Variants in TTC38 observed in about 807,000 individuals in gnomAD.
TTC38 encodes the protein tetratricopeptide repeat domain 38, also known as tetratricopeptide repeat protein 38.
Under a neutral mutation model 64.2 loss-of-function variants are expected in TTC38, and 64 were observed. The ratio of observed to expected loss-of-function variants is 1.00; its 90% CI spans 0.81 to 1.23. The LOEUF (loss-of-function observed/expected upper bound fraction) is 1.23. Ranked by LOEUF, TTC38 falls within the 50% of genes most tolerant of loss-of-function variation. The probability of loss-of-function intolerance (pLI) is 0.00; values close to 1 mark genes in which losing one functional copy is unlikely to be tolerated. For missense variants in TTC38, 573 were observed against 615.5 expected (o/e 0.93, Z 0.73); for synonymous variants, 254 against 249.3 (o/e 1.02, Z -0.18).
Position 46,289,561 on chromosome 22 carries a change from G to C in TTC38, c.1242G>C (p.Gln414His). Residue 414 changes from glutamine to histidine, a missense_variant and splice_region_variant, in exon 12 of 14, where the codon CAG becomes CAC. Around this residue, in one of 3 missense-constraint regions of TTC38, gnomAD observed 371 missense variants for 381.8 expected, o/e 0.97. Coordinates refer to ENST00000381031, the MANE Select transcript of TTC38 (RefSeq NM_017931.4). ...TCCAGCTCGGTGGGAGCAATGCCCAGGTGAGCCGATGGCCGCCAGCTGGGG... is the reference window on the plus strand; with the variant it reads ...TCCAGCTCGGTGGGAGCAATGCCCACGTGAGCCGATGGCCGCCAGCTGGGG... ...RIVQLGGSNA[Q>H]RDVFNQLLIH... The C allele has an allele frequency of 6.3e-7, 1 of 1,576,860 alleles. No homozygotes were observed. The highest frequency in any genetic ancestry group is 8.6e-7 in the Non-Finnish European group (1 of 1,162,226).
At position 46,282,316 on chromosome 22, in the gene TTC38, C is replaced by G. The variant is rs984103838; in HGVS notation, c.735+598C>G. Among the ~76,000 whole-genome samples the G allele has an allele frequency of 2.0e-5, 3 of 152,198 alleles. No individual in the cohort carries two copies. Among genetic ancestry groups the G allele is most frequent in the African/African-American group, 7.2e-5 (3 of 41,442 alleles). The stretch of plus-strand genomic sequence containing the variant: ...ACATGGGCTGTGCAGGAGGCCTTGT[C>G]AGTCCCTCTTTCCAGGGGAGGCAAG... On this transcript the variant is annotated intron_variant, in intron 7 of 13. Transcript: ENST00000381031. The surrounding 1 kb of genome is among the most constrained non-coding windows in gnomAD (Gnocchi z 4.4).
Position 46,273,827 on chromosome 22 carries a change from T to C in TTC38, c.194-71T>C. On this transcript the variant is annotated intron_variant, in intron 3 of 13. Coordinates refer to ENST00000381031, the MANE Select transcript of TTC38 (RefSeq NM_017931.4). This position sits in a 1 kb window ranked among gnomAD's most constrained non-coding sequence, Gnocchi z 5.1. ...TGGGACGTGGGGTGTCTCTGTGACA[T>C]GTGGAGTCTGGGCTGGGATGGGCTG... 1 of 1,519,802 alleles carries C rather than the reference T, an allele frequency of 6.6e-7. No individual in the cohort carries two copies. Among genetic ancestry groups the C allele is most frequent in the Non-Finnish European group, 9.1e-7 (1 of 1,104,538 alleles). 94.1% of individuals were successfully genotyped at this position (1,519,802 alleles called of 1,614,324 possible). A position where few individuals can be genotyped will look rare whatever the true frequency, so the allele number is the denominator to read the frequency against.
Position 46,282,367 on chromosome 22 carries a change from G to A in TTC38, c.735+649G>A, listed in dbSNP as rs1039197192. 2.6e-5 allele frequency among the ~76,000 whole-genome samples: 4 copies of A among 152,034 alleles called. No individual in the cohort carries two copies. In the East Asian group the frequency reaches 5.8e-4, roughly 22 times the overall value. ...GTGGTGTCCAGGCAGAGGCAGAAAC[G>A]CCTGCAGAGGCCTCAGGGAAGGAAA... On this transcript the variant is annotated intron_variant, in intron 7 of 13. Transcript: ENST00000381031. The surrounding 1 kb of genome is among the most constrained non-coding windows in gnomAD (Gnocchi z 4.4).
In TTC38 at chr22:46,281,686, G is replaced by A. The variant is rs573720875; in HGVS notation, c.703G>A (p.Glu235Lys). ...EMKAEIKDGL[E>K]FMQHSETFWK... is the part of the protein sequence containing the mutation. ...GAAAGCAGAGATCAAGGATGGGTTGGAATTCATGCAGCACTCAGAGACCTT... is the reference window on the plus strand; with the variant it reads ...GAAAGCAGAGATCAAGGATGGGTTGAAATTCATGCAGCACTCAGAGACCTT... Residue 235 changes from glutamate (E) to lysine (K), a missense_variant, in exon 7 of 14, where the codon GAA becomes AAA. This residue lies in a region of TTC38 where 371 missense variants were observed against 381.8 expected (regional missense o/e 0.97). Transcript: ENST00000381031. This position sits in a 1 kb window ranked among gnomAD's most constrained non-coding sequence, Gnocchi z 5.2. 1.5e-4 allele frequency: 246 copies of A among 1,614,108 alleles called. 3 individuals carry two copies. In the South Asian group the frequency reaches 2.4e-3, roughly 15 times the overall value.
rs1170650244 is a variant in TTC38, at chr22:46,278,677, C to A, written c.615+16C>A. On this transcript the variant is annotated intron_variant, in intron 6 of 13. Transcript: ENST00000381031. ...CGCCAAAGAGGTAAGTGGGTCCTTCCTAAGGTGCCTGACCCCTCAGGGAGT... is the reference window on the plus strand; with the variant it reads ...CGCCAAAGAGGTAAGTGGGTCCTTCATAAGGTGCCTGACCCCTCAGGGAGT... The A allele has an allele frequency of 6.2e-7, 1 of 1,610,138 alleles. No homozygotes were observed. The highest frequency in any genetic ancestry group is 8.5e-7 in the Non-Finnish European group (1 of 1,176,492).
rs1443478707 is a variant in TTC38 at position 46,291,277 on chromosome 22, C to T, written c.1316+1378C>T. On this transcript the variant is annotated intron_variant, in intron 13 of 13. Transcript: ENST00000381031. The surrounding 1 kb of genome is among the most constrained non-coding windows in gnomAD (Gnocchi z 4.6). The stretch of plus-strand genomic sequence containing the variant: ...TGGGAGTTGGTGCCTCTGGCAGCAG[C>T]GGTGGGGAAAGTGGCTGTGTGGACA... 6.6e-6 allele frequency among the ~76,000 whole-genome samples: 1 copy of T among 152,028 alleles called. No homozygotes were observed. The highest frequency in any genetic ancestry group is 2.4e-5 in the African/African-American group (1 of 41,376).
chr22:46,289,942 C>T, intron 13 of TTC38, 43 bp downstream of exon 13: 1 of 1,568,490 alleles, frequency 6.4e-7, no homozygotes, highest in South Asian at 1.1e-5. Flanking sequence ...CCTTCACAGG[C>T]TCTCCCTGCA....
rs963383703 is a variant in TTC38 at position 46,282,871 on chromosome 22, G to A, written c.736-1102G>A. On this transcript the variant is annotated intron_variant, in intron 7 of 13. Coordinates refer to ENST00000381031, the MANE Select transcript of TTC38 (RefSeq NM_017931.4). The surrounding 1 kb of genome is among the most constrained non-coding windows in gnomAD (Gnocchi z 4.4). ...CATACCACCCACTCCCCTGGCTCTC[G>A]GGGCTTTGCCAGCACCTGTTGGAGT... is the stretch of plus-strand genomic sequence containing the variant. 6.6e-5 allele frequency among the ~76,000 whole-genome samples: 10 copies of A among 152,282 alleles called. No homozygotes were observed. The highest frequency in any genetic ancestry group is 3.4e-3 in the Middle Eastern group (1 of 294).
chr22:46,286,280 G>T (rs1569024481), intron 9 of TTC38, among the ~76,000 whole-genome samples: 1 of 152,144 alleles, frequency 6.6e-6, no homozygotes, highest in African/African-American at 2.4e-5. Flanking sequence ...AAATGCTTGT[G>T]ATCTGGGGAT....
intron 5 of TTC38, among the ~76,000 whole-genome samples, chr22:46,278,090 C>T (rs1036146226): frequency 1.3e-5 from 2 of 152,186 alleles, no homozygotes; most frequent in Non-Finnish European, 2.9e-5. Context: ...CAGAGCTTGG[C>T]GTGGGGTTGG....
At chr22:46,290,101 A>G (rs912885912) in intron 13 of TTC38, among the ~76,000 whole-genome samples, 1 of 151,912 alleles carries the variant, frequency 6.6e-6, no homozygotes, top group Non-Finnish European at 1.5e-5. Flanking sequence ...CCCCAGGCCC[A>G]ACCTCCCACC....
At position 46,274,678 on chromosome 22, in the gene TTC38, T is replaced by A. The variant is rs1936969189; in HGVS notation, c.366-570T>A. ...CAGGTGTGGGTTCCACCTCAGAGAC[T>A]TCCTGTGGCTGTCTCACGGTCTCCA... On this transcript the variant is annotated intron_variant, in intron 4 of 13. Transcript: ENST00000381031. The surrounding 1 kb of genome is among the most constrained non-coding windows in gnomAD (Gnocchi z 4.8). Among the ~76,000 whole-genome samples, 2 of 151,988 alleles carry A rather than the reference T, an allele frequency of 1.3e-5. No individual in the cohort carries two copies. The highest frequency in any genetic ancestry group is 4.1e-4 in the South Asian group (2 of 4,824).
intron 7 of TTC38, 87 bp from the exon 8 acceptor site, chr22:46,283,878 AGATGATGG>A: frequency 1.9e-6 from 1 of 536,600 alleles, no homozygotes; most frequent in Non-Finnish European, 3.1e-6. Context: ...AAAAAAAAAA[AGATGATGG>A]TTTCTGCATT....
chr22:46,279,730 G>C (rs1294001401), intron 6 of TTC38, among the ~76,000 whole-genome samples: 3 of 152,204 alleles, frequency 2.0e-5, no homozygotes, highest in African/African-American at 7.2e-5. Context: ...CTGAGTCAGG[G>C]CAGGTGGGGG....
At chr22:46,287,380 C>T (rs1451008237) in intron 10 of TTC38, among the ~76,000 whole-genome samples, 1 of 152,222 alleles carries the variant, frequency 6.6e-6, no homozygotes, top group South Asian at 2.1e-4. Flanking sequence ...CAGTTCCCAC[C>T]GCTCCTCGAT....
chr22:46,277,946 C>T (rs1046208237), intron 5 of TTC38, among the ~76,000 whole-genome samples: 2 of 152,096 alleles, frequency 1.3e-5, no homozygotes, highest in South Asian at 2.1e-4. Flanking sequence ...AGTGGAGACC[C>T]GTGTTGATTC....
chr22:46,282,328 C>T lies in TTC38; in HGVS notation c.735+610C>T, dbSNP rs2077541138. 6.6e-6 allele frequency among the ~76,000 whole-genome samples: 1 copy of T among 152,144 alleles called. No homozygotes were observed. The highest frequency in any genetic ancestry group is 1.5e-5 in the Non-Finnish European group (1 of 68,012). ...CAGGAGGCCTTGTCAGTCCCTCTTTCCAGGGGAGGCAAGGTGGTGTCCAGG... is the reference window on the plus strand; with the variant it reads ...CAGGAGGCCTTGTCAGTCCCTCTTTTCAGGGGAGGCAAGGTGGTGTCCAGG... On this transcript the variant is annotated intron_variant, in intron 7 of 13. Coordinates refer to ENST00000381031, the MANE Select transcript of TTC38 (RefSeq NM_017931.4). The surrounding 1 kb of genome is among the most constrained non-coding windows in gnomAD (Gnocchi z 4.4).
chr22:46,277,839 C>T (rs2077504610), intron 5 of TTC38, among the ~76,000 whole-genome samples: 1 of 152,136 alleles, frequency 6.6e-6, no homozygotes, highest in Non-Finnish European at 1.5e-5. Flanking sequence ...TGACAGCCCA[C>T]AGGTCACGGA....
Position 46,292,905 on chromosome 22 carries a change from C to T in TTC38, c.*21C>T, listed in dbSNP as rs767439732. The T allele has an allele frequency of 6.3e-7, 1 of 1,588,016 alleles. No homozygotes were observed. Among genetic ancestry groups the T allele is most frequent in the African/African-American group, 1.3e-5 (1 of 74,444 alleles). ...AGTGAGCCAGCCTGGCCGCCTCCAC[C>T]CTGCAGAACCTCAGTGGTGGCGTCA... On this transcript the variant is annotated 3_prime_UTR_variant, in exon 14 of 14. Coordinates refer to ENST00000381031, the MANE Select transcript of TTC38 (RefSeq NM_017931.4). This position sits in a 1 kb window ranked among gnomAD's most constrained non-coding sequence, Gnocchi z 6.5.
Sources: allele counts gnomAD v4.1 joint callset (sites outside exome capture counted in the v4.1 genomes callset), GRCh38; gene constraint gnomAD v4.1.1; regional missense constraint gnomAD v4.1.1; non-coding constraint Gnocchi (gnomAD v3.1); transcripts MANE v1.5; gene names NCBI Gene and HGNC (gene_info 2026-07-23, HGNC 2026-07-21).